Variants in PMFBP1 observed in about 807,000 individuals in gnomAD.
PMFBP1 encodes polyamine-modulated factor 1-binding protein 1.
A neutral mutation model predicts 137.8 loss-of-function variants in PMFBP1; 131 were observed. The observed-to-expected ratio is 0.95, with a 90% CI of 0.82 to 1.10. PMFBP1 has a LOEUF of 1.10. PMFBP1 is among the 50% of genes least tolerant of loss of function. The pLI is 0.00. For synonymous variants in PMFBP1, 490 were observed against 450.4 expected, an observed-to-expected ratio of 1.09 and a Z score of -1.11; for missense variants, 1,199 against 1,175.4, an observed-to-expected ratio of 1.02 and a Z score of -0.29.
chr16:72,136,933 G>A, intron 7 of PMFBP1, 114 bp from the exon 8 acceptor site: 1 of 1,376,788 alleles, frequency 7.3e-7, no homozygotes. Context: ...GCAGAGTAAT[G>A]GCTGCTGGGG....
the PMFBP1 span, among the ~76,000 whole-genome samples, chr16:72,184,902 CCAA>C: frequency 6.6e-6 from 1 of 152,226 alleles, no homozygotes; most frequent in Admixed American, 6.5e-5. Context: ...GCCCACTCCT[CCAA>C]CAACTAGAGA....
upstream of PMFBP1, among the ~76,000 whole-genome samples, chr16:72,177,249 T>C (rs750256041): frequency 5.3e-5 from 8 of 152,344 alleles, no homozygotes; most frequent in Non-Finnish European, 8.8e-5. Flanking sequence ...CCCAACCCAA[T>C]TGCCATTTCT....
the PMFBP1 span, among the ~76,000 whole-genome samples, chr16:72,186,911 G>C: frequency 1.3e-4 from 20 of 152,016 alleles, no homozygotes; most frequent in Non-Finnish European, 2.2e-4. Flanking sequence ...TCAAGGGTTC[G>C]AGACAAGCCT....
At chr16:72,119,636 G>A (rs944981105) in intron 20 of PMFBP1, 2 of 1,443,814 alleles carry the variant, frequency 1.4e-6, no homozygotes, top group South Asian at 1.5e-5. Flanking sequence ...TGAGATGTGA[G>A]GCACTTGGGT....
chr16:72,173,177 T>C (rs1221173328), upstream of PMFBP1, among the ~76,000 whole-genome samples: 2 of 152,230 alleles, frequency 1.3e-5, no homozygotes, highest in Non-Finnish European at 2.9e-5. Context: ...CTATAATAAA[T>C]GGCCTTTAGA....
the PMFBP1 span, among the ~76,000 whole-genome samples, chr16:72,193,852 C>T: frequency 6.6e-6 from 1 of 152,240 alleles, no homozygotes; most frequent in Middle Eastern, 3.4e-3. Flanking sequence ...GCACACATAC[C>T]ACCGCTAGCT....
Position 72,130,292 on chromosome 16 carries a change from T to C in PMFBP1, c.1703A>G (p.Lys568Arg), listed in dbSNP as rs755666121. Residue 568 changes from lysine (K) to arginine (R), a missense_variant, in exon 12 of 21, where the codon AAG becomes AGG. Transcript: ENST00000237353. ...TGTCTTCTGAAGCTGCCTCTTTTCC[T>C]TGTCTGAATTTTCAAGCTTCCTCAG... ...EALRKLENSD[K>R]EKRQLQKTVA... 6 of 1,614,234 alleles carry C rather than the reference T, an allele frequency of 3.7e-6. No homozygotes were observed. The highest frequency in any genetic ancestry group is 5.1e-6 in the Non-Finnish European group (6 of 1,180,048).
the PMFBP1 span, among the ~76,000 whole-genome samples, chr16:72,206,063 G>C: frequency 6.6e-6 from 1 of 152,172 alleles, no homozygotes. Context: ...GCTTGCTATT[G>C]GGAAATGGGC....
chr16:72,138,473 C>T (rs1331684496), intron 7 of PMFBP1, among the ~76,000 whole-genome samples: 7 of 152,156 alleles, frequency 4.6e-5, no homozygotes, highest in Admixed American at 3.3e-4. Context: ...TAAGAGGACA[C>T]CTGGCCATGT....
the PMFBP1 span, among the ~76,000 whole-genome samples, chr16:72,211,559 CAGAA>C: frequency 4.0e-5 from 6 of 151,650 alleles, no homozygotes; most frequent in African/African-American, 1.5e-4. Flanking sequence ...AATAGACAAA[CAGAA>C]AGAGAAATAA....
At chr16:72,212,480 T>C in the PMFBP1 span, among the ~76,000 whole-genome samples, 13 of 142,152 alleles carry the variant, frequency 9.1e-5, no homozygotes, top group Admixed American at 8.2e-4. Context: ...ACGGGTTGTA[T>C]TGGAAAAAAA....
chr16:72,194,950 A>G, the PMFBP1 span, among the ~76,000 whole-genome samples: 1 of 152,232 alleles, frequency 6.6e-6, no homozygotes, highest in Non-Finnish European at 1.5e-5. Context: ...ATTTAGATGC[A>G]TCAATCCATA....
chr16:72,242,348 A>G, the PMFBP1 span, among the ~76,000 whole-genome samples: 1 of 152,256 alleles, frequency 6.6e-6, no homozygotes, highest in Non-Finnish European at 1.5e-5. Context: ...AGGGAAAAAT[A>G]CACCAAACAA....
intron 7 of PMFBP1, among the ~76,000 whole-genome samples, chr16:72,138,912 C>CAAA (rs35349842): frequency 0.024 from 2,906 of 120,098 alleles, 29 homozygotes; most frequent in Non-Finnish European, 0.03. Context: ...ACAGAGTTCT[C>CAAA]AAAAAAAAAA....
the PMFBP1 span, among the ~76,000 whole-genome samples, chr16:72,202,144 GTGAATGAGTCGACT>G: frequency 6.6e-6 from 1 of 152,224 alleles, no homozygotes; most frequent in East Asian, 1.9e-4. Context: ...GAATCAGTGA[GTGAATGAGTCGACT>G]TGGGACTGGA....
intron 7 of PMFBP1, among the ~76,000 whole-genome samples, chr16:72,138,115 T>C (rs1349122750): frequency 6.6e-6 from 1 of 152,156 alleles, no homozygotes; most frequent in Admixed American, 6.5e-5. Context: ...AATGGAGTCT[T>C]ATGAGATTTT....
the PMFBP1 span, among the ~76,000 whole-genome samples, chr16:72,229,638 C>T: frequency 6.6e-6 from 1 of 151,796 alleles, no homozygotes; most frequent in South Asian, 2.1e-4. Flanking sequence ...ATGCTTGTTG[C>T]CTGTGTGTAT....
chr16:72,232,960 C>A, the PMFBP1 span, among the ~76,000 whole-genome samples: 1 of 151,980 alleles, frequency 6.6e-6, no homozygotes, highest in African/African-American at 2.4e-5. Flanking sequence ...GGAATTTATA[C>A]AAGATATTGA....
At chr16:72,222,488 T>C in the PMFBP1 span, among the ~76,000 whole-genome samples, 1 of 152,084 alleles carries the variant, frequency 6.6e-6, no homozygotes, top group African/African-American at 2.4e-5. Flanking sequence ...GCAGTGGGCT[T>C]GTTGAGTTTG....
Sources: allele counts gnomAD v4.1 joint callset (sites outside exome capture counted in the v4.1 genomes callset), GRCh38; gene constraint gnomAD v4.1.1; transcripts MANE v1.5; gene names NCBI Gene and HGNC (gene_info 2026-07-23, HGNC 2026-07-21).